Variants in KIF21A observed in about 807,000 individuals in gnomAD.
KIF21A encodes the protein kinesin-like protein KIF21A.
Under a neutral mutation model 202.9 loss-of-function variants are expected in KIF21A, and 114 were observed. That is an observed-to-expected ratio of 0.56 (90% CI 0.48 to 0.66). The LOEUF (loss-of-function observed/expected upper bound fraction) is 0.66. KIF21A is among the 30% of genes least tolerant of loss of function. KIF21A has a pLI of 0.00. For synonymous variants in KIF21A, 667 were observed against 670.8 expected (o/e 0.99, Z 0.09); for missense variants, 1,677 against 1,994.9 (o/e 0.84, Z 3.04).
Position 39,293,250 on chromosome 12 carries a change from T to C in KIF21A, c.*1174A>G, listed in dbSNP as rs1942012163. On this transcript the variant is annotated 3_prime_UTR_variant, in exon 38 of 38. Transcript: ENST00000361418. ...AAATAATTTCATAGCAACATGTTTA[T>C]TTAAGCCCTAGCTAAGTTTTCATTT... 1 of 152,260 alleles carries C rather than the reference T, an allele frequency of 6.6e-6. No homozygotes were observed. Among genetic ancestry groups the C allele is most frequent in the Non-Finnish European group, 1.5e-5 (1 of 68,036 alleles). 9.4% of individuals were successfully genotyped at this position (152,260 alleles called of 1,614,324 possible). A position where few individuals can be genotyped will look rare whatever the true frequency, so the allele number is the denominator to read the frequency against.
chr12:39,351,324 C>T (rs1470197697), intron 11 of KIF21A, among the ~76,000 whole-genome samples: 2 of 152,014 alleles, frequency 1.3e-5, no homozygotes, highest in East Asian at 3.9e-4. Flanking sequence ...GACCAAATGA[C>T]ATTACATGAC....
intron 12 of KIF21A, among the ~76,000 whole-genome samples, chr12:39,345,960 A>G (rs1236672976): frequency 6.6e-6 from 1 of 151,744 alleles, no homozygotes; most frequent in Non-Finnish European, 1.5e-5. Context: ...TAATAAGGCC[A>G]CAGTTTCCTT....
At position 39,367,937 on chromosome 12, in the gene KIF21A, A is replaced by G. The variant is rs1222148383; in HGVS notation, c.546T>C (p.Thr182=). 1.2e-6 allele frequency: 2 copies of G among 1,608,790 alleles called. No homozygotes were observed. The highest frequency in any genetic ancestry group is 1.1e-5 in the South Asian group (1 of 90,942). The stretch of plus-strand genomic sequence containing the variant: ...TAACGCCCACAGTATAAATTCCTCC[A>G]GTTGAATCTTCATGAATTCTTATAT... ...KSNIRIHEDS[T]GGIYTVGVTT... is the part of the protein sequence containing the mutation. Residue 182 remains threonine (T), a synonymous_variant, in exon 4 of 38, where the codon ACT becomes ACC. Coordinates refer to ENST00000361418, the MANE Select transcript of KIF21A (RefSeq NM_001173464.2).
chr12:39,362,104 C>T (rs769260336), intron 7 of KIF21A, among the ~76,000 whole-genome samples: 1 of 152,160 alleles, frequency 6.6e-6, no homozygotes, highest in African/African-American at 2.4e-5. Context: ...AAAGTTCTCA[C>T]TCCCTCTTTG....
At chr12:39,294,570 G>A in intron 37 of KIF21A, 53 bp from the exon 38 acceptor site, 6 of 1,295,278 alleles carry the variant, frequency 4.6e-6, no homozygotes, top group Non-Finnish European at 6.7e-6. Context: ...GAAAGATAAA[G>A]AAATAGCTCT....
intron 1 of KIF21A, among the ~76,000 whole-genome samples, chr12:39,407,475 A>G (rs1177017370): frequency 6.6e-6 from 1 of 152,144 alleles, no homozygotes; most frequent in Non-Finnish European, 1.5e-5. Context: ...AGACATTAAC[A>G]ACTTATCATA....
intron 1 of KIF21A, among the ~76,000 whole-genome samples, chr12:39,419,339 GTTAAC>G (rs548490306): frequency 1.8e-3 from 270 of 152,286 alleles, no homozygotes; most frequent in African/African-American, 5.8e-3. Flanking sequence ...TTTGCCTAAA[GTTAAC>G]TTATCTAGTT....
rs575327757 is a variant in KIF21A at position 39,307,356 on chromosome 12, C to G, written c.4442+209G>C. On this transcript the variant is annotated intron_variant, in intron 34 of 37. Transcript: ENST00000361418. ...TTTTCCCCCATATACTTATTTTCCC[C>G]AGCAACGGAGATTAAAAAAAAGAGA... Among the ~76,000 whole-genome samples, 3 of 151,848 alleles carry G rather than the reference C, an allele frequency of 2.0e-5. No homozygotes were observed. The South Asian group carries it at 6.2e-4, about 32-fold the overall frequency.
In KIF21A at chr12:39,357,327, C is replaced by G. The variant is rs1439743720; in HGVS notation, c.1326G>C (p.Met442Ile). The G allele has an allele frequency of 6.2e-7, 1 of 1,614,094 alleles. No homozygotes were observed. The highest frequency in any genetic ancestry group is 1.7e-5 in the Admixed American group (1 of 60,030). ...ACCTCAATGCATCAACCGTCTCTTG[C>G]ATGGCTTTAATTCTTACACGCAGGT... ...NNNLRVRIKA[M>I]QETVDALRSR... The change falls in exon 9 of 38, where the codon ATG (methionine) becomes ATC (isoleucine). Residue 442 changes from methionine to isoleucine, a missense_variant. Transcript: ENST00000361418.
chr12:39,367,750 A>T, intron 4 of KIF21A, 133 bp downstream of exon 4: 1 of 712,964 alleles, frequency 1.4e-6, no homozygotes, highest in Admixed American at 2.4e-5. Flanking sequence ...GTGAGGAAAG[A>T]ACACAAGATC....
chr12:39,377,130 G>C (rs915633789), intron 1 of KIF21A, among the ~76,000 whole-genome samples: 1 of 152,042 alleles, frequency 6.6e-6, no homozygotes, highest in South Asian at 2.1e-4. Flanking sequence ...TTCCCGCTTT[G>C]TGTAGTTCTT....
chr12:39,336,583 G>T (rs1946992906), intron 17 of KIF21A, among the ~76,000 whole-genome samples: 1 of 152,050 alleles, frequency 6.6e-6, no homozygotes, highest in African/African-American at 2.4e-5. Context: ...TGAAGATTTT[G>T]ATGCATAGTA....
chr12:39,378,179 A>G (rs1228471056), intron 1 of KIF21A, among the ~76,000 whole-genome samples: 2 of 152,160 alleles, frequency 1.3e-5, no homozygotes, highest in African/African-American at 4.8e-5. Context: ...AAAAATAGCT[A>G]TTGGGCCATC....
Position 39,322,697 on chromosome 12 carries a change from T to G in KIF21A, c.3642A>C (p.Pro1214=). 6.2e-7 allele frequency: 1 copy of G among 1,613,786 alleles called. No homozygotes were observed. Among genetic ancestry groups the G allele is most frequent in the Non-Finnish European group, 8.5e-7 (1 of 1,179,942 alleles). ...TGCCTATCTTAGAAGGTAAGCCAGG[T>G]GGGGGAGAGAGCTCTTTTTCCCTAG... ...TSAREKELSP[P]PGLPSKIGSI... Residue 1214 remains proline (P), a synonymous_variant, in exon 27 of 38, where the codon CCA becomes CCC. Transcript: ENST00000361418.
At chr12:39,302,156 TA>T (rs1449397535) in intron 36 of KIF21A, among the ~76,000 whole-genome samples, 1 of 152,136 alleles carries the variant, frequency 6.6e-6, no homozygotes, top group African/African-American at 2.4e-5. Flanking sequence ...TCATGATGAG[TA>T]AACAGTAATT....
chr12:39,385,598 T>C (rs1950891447), intron 1 of KIF21A, among the ~76,000 whole-genome samples: 1 of 152,176 alleles, frequency 6.6e-6, no homozygotes, highest in Non-Finnish European at 1.5e-5. Flanking sequence ...AAATGAAGAA[T>C]ACAAAATTTA....
chr12:39,373,605 A>G (rs1950097108), intron 1 of KIF21A, among the ~76,000 whole-genome samples: 1 of 152,214 alleles, frequency 6.6e-6, no homozygotes, highest in Non-Finnish European at 1.5e-5. Context: ...GTACTGGGCT[A>G]CTACTTAATA....
At chr12:39,391,051 G>C (rs1723276586) in intron 1 of KIF21A, among the ~76,000 whole-genome samples, 1 of 152,162 alleles carries the variant, frequency 6.6e-6, no homozygotes, top group Admixed American at 6.6e-5. Flanking sequence ...AAATAATTGA[G>C]TGTAATTATT....
At chr12:39,427,450 C>G (rs749726684) in intron 1 of KIF21A, among the ~76,000 whole-genome samples, 2 of 152,126 alleles carry the variant, frequency 1.3e-5, no homozygotes, top group Non-Finnish European at 2.9e-5. Flanking sequence ...TTATTTTTCA[C>G]AGGGTTACTT....
Sources: allele counts gnomAD v4.1 joint callset (sites outside exome capture counted in the v4.1 genomes callset), GRCh38; gene constraint gnomAD v4.1.1; transcripts MANE v1.5; gene names NCBI Gene and HGNC (gene_info 2026-07-23, HGNC 2026-07-21).